The following DNAAF4 variants were observed in gnomAD, a reference collection of about 807,000 sequenced individuals.
DNAAF4 encodes dynein axonemal assembly factor 4, also known as dynein assembly factor 4, axonemal.
DNAAF4 carries 43 observed loss-of-function variants against 51.8 expected under a neutral mutation model. That is an observed-to-expected ratio of 0.83 (90% CI 0.65 to 1.07). The LOEUF is 1.07. DNAAF4 is among the 50% of genes least tolerant of loss of function. DNAAF4 has a pLI of 0.00. For missense variants in DNAAF4, 581 were observed against 493.0 expected (o/e 1.18, Z -1.69); for synonymous variants, 194 against 165.6 (o/e 1.17, Z -1.32).
chr15:55,421,301 G>C (rs534751557), intron 7 of DNAAF4, among the ~76,000 whole-genome samples: 6 of 151,716 alleles, frequency 4.0e-5, no homozygotes, highest in Admixed American at 2.0e-4. Flanking sequence ...AGGAGTTCAA[G>C]GCAAGCCTGG....
chr15:55,439,555 T>C lies in DNAAF4; in HGVS notation c.810A>G (p.Arg270=). The change falls in exon 7 of 10, where the codon CGA becomes CGG. Residue 270 remains arginine (R), a synonymous_variant. Coordinates refer to ENST00000321149, the MANE Select transcript of DNAAF4 (RefSeq NM_130810.4). ...CAGCTATGTCAGTATTCATTGCTCT[T>C]CGTGCCTCAGCTTGTTTGTGTAGCC... The part of the protein sequence containing the change: ...EEWLHKQAEA[R]RAMNTDIAEL... The C allele has an allele frequency of 6.2e-7, 1 of 1,614,092 alleles. No individual in the cohort carries two copies. The highest frequency in any genetic ancestry group is 1.1e-5 in the South Asian group (1 of 91,086).
intron 5 of DNAAF4, among the ~76,000 whole-genome samples, chr15:55,462,778 G>A (rs907574461): frequency 6.6e-6 from 1 of 151,986 alleles, no homozygotes; most frequent in Non-Finnish European, 1.5e-5. Flanking sequence ...AGGGATGCAG[G>A]GCTGGTTTAA....
chr15:55,477,171 CA>C (rs200427261), intron 4 of DNAAF4, among the ~76,000 whole-genome samples: 10 of 140,560 alleles, frequency 7.1e-5, no homozygotes, highest in Admixed American at 1.4e-4. Context: ...AACTCCAACT[CA>C]AAAAAAAAAT....
intron 4 of DNAAF4, 39 bp downstream of exon 4, chr15:55,491,084 T>A: frequency 1.9e-6 from 3 of 1,612,234 alleles, no homozygotes; most frequent in Non-Finnish European, 2.5e-6. Flanking sequence ...AGTCTACTAT[T>A]ATCTCTTTAG....
chr15:55,447,786 G>GTA (rs2057857973), intron 6 of DNAAF4, among the ~76,000 whole-genome samples: 1 of 123,516 alleles, frequency 8.1e-6, no homozygotes, highest in South Asian at 3.1e-4. Context: ...AAGAGAGAGG[G>GTA]GAGAGGGGAG....
chr15:55,440,615 C>T (rs1320717889), intron 6 of DNAAF4, among the ~76,000 whole-genome samples: 2 of 151,608 alleles, frequency 1.3e-5, no homozygotes, highest in Non-Finnish European at 2.9e-5. Context: ...ATCTGCCCAC[C>T]TCGGCCTCCC....
intron 3 of DNAAF4, among the ~76,000 whole-genome samples, chr15:55,497,042 A>G (rs1369993232): frequency 2.6e-5 from 4 of 152,032 alleles, no homozygotes; most frequent in Non-Finnish European, 4.4e-5. Context: ...CACATTTCCT[A>G]TCTATTCTTC....
At chr15:55,427,052 GT>G (rs140646075), downstream of DNAAF4, among the ~76,000 whole-genome samples, 1 of 150,392 alleles carries the variant, frequency 6.6e-6, no homozygotes, top group Non-Finnish European at 1.5e-5. Flanking sequence ...GAAGACCAGA[GT>G]TTTTTTGTTT....
At chr15:55,497,691 A>C in intron 3 of DNAAF4, 21 bp downstream of exon 3, 1 of 1,586,950 alleles carries the variant, frequency 6.3e-7, no homozygotes, top group Non-Finnish European at 8.6e-7. Context: ...CCAGATGAAC[A>C]TCTTTTAATA....
rs139389107 is a variant in DNAAF4 at position 55,464,192 on chromosome 15, A to G, written c.637+2738T>C. On this transcript the variant is annotated intron_variant, in intron 5 of 9. Coordinates refer to ENST00000321149, the MANE Select transcript of DNAAF4 (RefSeq NM_130810.4). ...AATCTTTGACAAAGCAAACAAAACC[A>G]TAAAGTGGGGAAAGGACAACCTATT... Among the ~76,000 whole-genome samples the G allele has an allele frequency of 5.8e-3, 887 of 152,322 alleles. 9 individuals are homozygous for G. Among genetic ancestry groups the G allele is most frequent in the African/African-American group, 0.02 (841 of 41,574 alleles).
At position 55,471,243 on chromosome 15, in the gene DNAAF4, T is replaced by C. The variant is rs545663170; in HGVS notation, c.406-4082A>G. Among the ~76,000 whole-genome samples, 21 of 152,272 alleles carry C rather than the reference T, an allele frequency of 1.4e-4. 1 individual carries two copies. Among genetic ancestry groups the C allele is most frequent in the Middle Eastern group, 6.8e-3 (2 of 294 alleles). On this transcript the variant is annotated intron_variant, in intron 4 of 9. Transcript: ENST00000321149. ...AAGTTCCAGACAACTAGTCATAGCT[T>C]GGTCTTTCTGGTGGCCAGCCACCAC...
intron 7 of DNAAF4, among the ~76,000 whole-genome samples, chr15:55,438,351 CAA>C (rs35978344): frequency 0.25 from 34,509 of 137,806 alleles, 4,906 homozygotes; most frequent in Non-Finnish European, 0.35. Context: ...GACTTTGTCT[CAA>C]AAAAAAAAAA....
chr15:55,471,856 T>C (rs2058260434), intron 4 of DNAAF4, among the ~76,000 whole-genome samples: 1 of 138,628 alleles, frequency 7.2e-6, no homozygotes, highest in South Asian at 2.3e-4. Flanking sequence ...CTTACTTATT[T>C]TGAGATGGAG....
chr15:55,455,097 A>G (rs987114654), intron 5 of DNAAF4, among the ~76,000 whole-genome samples: 1 of 149,314 alleles, frequency 6.7e-6, no homozygotes, highest in Non-Finnish European at 1.5e-5. Flanking sequence ...TCAATAATCA[A>G]TAACTATTAT....
At chr15:55,492,338 A>G (rs1208386305) in intron 3 of DNAAF4, among the ~76,000 whole-genome samples, 1 of 151,220 alleles carries the variant, frequency 6.6e-6, no homozygotes, top group Admixed American at 6.6e-5. Context: ...AGTAGGGGAG[A>G]GTAGATAAGG....
chr15:55,450,182 T>C, intron 6 of DNAAF4, 40 bp downstream of exon 6: 1 of 1,538,046 alleles, frequency 6.5e-7, no homozygotes, highest in Non-Finnish European at 8.7e-7. Flanking sequence ...AATAAAGTAT[T>C]TTCATTTGTG....
chr15:55,434,794 TA>T (rs2057581637), intron 8 of DNAAF4, 110 bp downstream of exon 8: 6 of 981,656 alleles, frequency 6.1e-6, no homozygotes, highest in Non-Finnish European at 8.4e-6. Flanking sequence ...AGACAATCTT[TA>T]AAATCTTTGC....
At chr15:55,461,528 CT>C (rs1235761124) in intron 5 of DNAAF4, among the ~76,000 whole-genome samples, 3 of 152,166 alleles carry the variant, frequency 2.0e-5, no homozygotes, top group East Asian at 3.9e-4. Context: ...TAACCTGCCC[CT>C]GAATGATCTT....
downstream of DNAAF4, among the ~76,000 whole-genome samples, chr15:55,427,905 G>A (rs2057446871): frequency 3.3e-5 from 5 of 151,404 alleles, no homozygotes; most frequent in South Asian, 1.0e-3. Flanking sequence ...AAAGTGCTGG[G>A]ATTGCAGGCA....
Sources: allele counts gnomAD v4.1 joint callset (sites outside exome capture counted in the v4.1 genomes callset), GRCh38; gene constraint gnomAD v4.1.1; transcripts MANE v1.5; gene names NCBI Gene and HGNC (gene_info 2026-07-23, HGNC 2026-07-21).